Variants in POLL observed in about 807,000 individuals in gnomAD.
The protein encoded by POLL is DNA polymerase beta-2.
Under a neutral mutation model 58.1 loss-of-function variants are expected in POLL, and 44 were observed. The ratio of observed to expected loss-of-function variants is 0.76; its 90% CI spans 0.60 to 0.97. The LOEUF is 0.97. POLL is among the 50% of genes least tolerant of loss of function. POLL has a pLI of 0.00. For missense variants in POLL, 632 were observed against 736.8 expected (o/e 0.86, Z 1.65); for synonymous variants, 290 against 283.2 (o/e 1.02, Z -0.24).
chr10:101,583,381 T>C, intron 6 of POLL, 127 bp downstream of exon 6: 1 of 987,414 alleles, frequency 1.0e-6, no homozygotes, highest in Non-Finnish European at 1.5e-6. Flanking sequence ...AAAAATGGTC[T>C]CCCTATACTG....
chr10:101,585,461 T>C lies in POLL; in HGVS notation c.428A>G (p.Gln143Arg). 1.3e-6 allele frequency: 2 copies of C among 1,565,746 alleles called. No individual in the cohort carries two copies. Among genetic ancestry groups the C allele is most frequent in the Non-Finnish European group, 1.7e-6 (2 of 1,157,298 alleles). ...AGCATCCTGCTCTGCCTTGCTGGGC[T>C]GTGGATGGTCCAAGTACCTGTGGGG... The part of the protein sequence containing the change: ...FIPSRYLDHP[Q>R]PSKAEQDASI... Residue 143 changes from glutamine (Q) to arginine (R), a missense_variant, in exon 4 of 9, where the codon CAG becomes CGG. Physicochemically the swap from Gln to Arg is conservative, Grantham distance 43 (BLOSUM62 1). Coordinates refer to ENST00000370162, the MANE Select transcript of POLL (RefSeq NM_001174084.2).
intron 5 of POLL, among the ~76,000 whole-genome samples, chr10:101,584,021 G>A (rs372700284): frequency 6.6e-6 from 1 of 152,200 alleles, no homozygotes; most frequent in East Asian, 1.9e-4. Flanking sequence ...GTCAGGTCCT[G>A]TGCTACAGGG....
intron 4 of POLL, 34 bp downstream of exon 4, chr10:101,585,282 G>A: frequency 1.3e-6 from 2 of 1,494,376 alleles, no homozygotes; most frequent in East Asian, 2.4e-5. Flanking sequence ...GCTTCCTAGG[G>A]GAAGGGAGTT....
In POLL at chr10:101,580,602, A is replaced by G; in HGVS notation, c.1195-186T>C. ...CTTTCCCTTCGCTAGGACAGGAGAG[A>G]AGAAAAAGCTCACTGTGCAGGAGGC... On this transcript the variant is annotated intron_variant, in intron 7 of 8. Transcript: ENST00000370162. This position sits in a 1 kb window ranked among gnomAD's most constrained non-coding sequence, Gnocchi z 4.1. The G allele has an allele frequency of 1.7e-6, 1 of 583,826 alleles. No individual in the cohort carries two copies. The highest frequency in any genetic ancestry group is 3.0e-6 in the Non-Finnish European group (1 of 330,590). The allele number at this position is 583,826 out of a possible 1,614,324, so 36.2% of individuals were successfully genotyped here.
In POLL at chr10:101,585,895, T is replaced by G; in HGVS notation, c.377A>C (p.Asp126Ala). Residue 126 changes from aspartate (D) to alanine (A), a missense_variant, in exon 3 of 9, where the codon GAT becomes GCT. Physicochemically the swap from Asp to Ala is moderately radical, Grantham distance 126 (BLOSUM62 -2). Coordinates refer to ENST00000370162, the MANE Select transcript of POLL (RefSeq NM_001174084.2). Reference sequence around the variant, plus strand: ...GATGAAGATGCTGAATCCAGCTACATCCACCAGCCTCCTCTCCTGAAGGCA... The same window carrying G: ...GATGAAGATGCTGAATCCAGCTACAGCCACCAGCCTCCTCTCCTGAAGGCA... ...SLCLQERRLVDVAGFSIFIPS... is the reference protein window; with the variant it reads ...SLCLQERRLVAVAGFSIFIPS... 1 of 1,598,538 alleles carries G rather than the reference T, an allele frequency of 6.3e-7. No homozygotes were observed. Among genetic ancestry groups the G allele is most frequent in the Non-Finnish European group, 8.6e-7 (1 of 1,167,334 alleles).
Position 101,587,844 on chromosome 10 carries a change from AAGG to A in POLL, c.-72_-70del, listed in dbSNP as rs2063474700. The A allele has an allele frequency of 3.6e-5, 43 of 1,189,888 alleles. No homozygotes were observed. Among genetic ancestry groups the A allele is most frequent in the Non-Finnish European group, 4.5e-5 (42 of 942,194 alleles). 73.7% of individuals were successfully genotyped at this position (1,189,888 alleles called of 1,614,324 possible). Reference sequence around the variant, plus strand: ...TACCTCCAACACAGACTCGCAGAGGAAGGAGGAGGACTTTCGGGGGTGAGTGGG... The same window carrying A: ...TACCTCCAACACAGACTCGCAGAGGAAGGAGGACTTTCGGGGGTGAGTGGG... On this transcript the variant is annotated 5_prime_UTR_variant, in exon 1 of 9. Coordinates refer to ENST00000370162, the MANE Select transcript of POLL (RefSeq NM_001174084.2).
chr10:101,588,269 C>T (rs2063508509), upstream of POLL: 2 of 1,566,868 alleles, frequency 1.3e-6, no homozygotes, highest in Non-Finnish European at 1.7e-6. Flanking sequence ...GCTTCCGAGT[C>T]AGCCGGAAGT....
Position 101,583,406 on chromosome 10 carries a change from TCAGAGCACAGCATAGGGATCTGGGG to T in POLL, c.1065+77_1065+101del, listed in dbSNP as rs1268993746. ...TCCCTATACTGTGGGTGCATTCCCA[TCAGAGCACAGCATAGGGATCTGGGG>T]CAGAGCACAGCACACATCTGGGGCA... On this transcript the variant is annotated intron_variant, in intron 6 of 8. Transcript: ENST00000370162. 23 of 1,316,032 alleles carry T rather than the reference TCAGAGCACAGCATAGGGATCTGGGG, an allele frequency of 1.7e-5. No individual in the cohort carries two copies. The African/African-American group carries it at 2.9e-4, about 17-fold the overall frequency. 81.5% of individuals were successfully genotyped at this position (1,316,032 alleles called of 1,614,324 possible).
chr10:101,582,504 G>C (rs1199416405), intron 7 of POLL, among the ~76,000 whole-genome samples: 1 of 152,128 alleles, frequency 6.6e-6, no homozygotes, highest in Non-Finnish European at 1.5e-5. Flanking sequence ...GTCTAGAATT[G>C]AATCCAATCC....
At chr10:101,585,571 G>A (rs1305610798) in intron 3 of POLL, 93 bp from the exon 4 acceptor site, 1 of 1,196,294 alleles carries the variant, frequency 8.4e-7, no homozygotes, top group Non-Finnish European at 1.2e-6. Flanking sequence ...TGGTTTCCCA[G>A]TGTGTCCAAT....
chr10:101,579,248 A>G lies in POLL; in HGVS notation c.*205T>C. On this transcript the variant is annotated 3_prime_UTR_variant, in exon 9 of 9. Coordinates refer to ENST00000370162, the MANE Select transcript of POLL (RefSeq NM_001174084.2). This position sits in a 1 kb window ranked among gnomAD's most constrained non-coding sequence, Gnocchi z 4.4. ...GGGTGGCAGCCTGCTCCTGTCTGGGAGAGGGCTGGGCAGACACTGGGAGCC... is the reference window on the plus strand; with the variant it reads ...GGGTGGCAGCCTGCTCCTGTCTGGGGGAGGGCTGGGCAGACACTGGGAGCC... 1.7e-6 allele frequency: 1 copy of G among 605,518 alleles called. No homozygotes were observed. 37.5% of individuals were successfully genotyped at this position (605,518 alleles called of 1,614,324 possible).
intron 1 of POLL, 106 bp from the exon 2 acceptor site, chr10:101,587,512 G>C: frequency 6.8e-7 from 1 of 1,476,364 alleles, no homozygotes; most frequent in South Asian, 1.2e-5. Context: ...GGGGAAGCGG[G>C]TCGGGGGAGG....
chr10:101,581,146 AC>A, intron 7 of POLL: 1 of 152,258 alleles, frequency 6.6e-6, no homozygotes, highest in Non-Finnish European at 1.5e-5. Flanking sequence ...TCCTGCCTCC[AC>A]CCCAGGACAC....
At chr10:101,587,674 G>A (rs2063462463) in intron 1 of POLL, 148 bp downstream of exon 1, 3 of 974,170 alleles carry the variant, frequency 3.1e-6, no homozygotes, top group East Asian at 5.2e-5. Flanking sequence ...TCCTCAGAGG[G>A]GTTGCGCTAA....
intron 2 of POLL, 33 bp downstream of exon 2, chr10:101,587,213 G>C (rs1462852719): frequency 2.5e-6 from 4 of 1,613,814 alleles, no homozygotes; most frequent in South Asian, 1.1e-5. Flanking sequence ...GTGGGTTCAA[G>C]CACACGAGGG....
Position 101,588,137 on chromosome 10 carries a change from G to A in POLL, c.-362C>T. The A allele has an allele frequency of 2.6e-6, 4 of 1,516,734 alleles. No homozygotes were observed. The highest frequency in any genetic ancestry group is 5.0e-5 in the East Asian group (2 of 40,008). The allele number at this position is 1,516,734 out of a possible 1,614,324, so 94.0% of individuals were successfully genotyped here. ...AGAGTCTCTCCAACCCCCAGAGTCGGTCCCCGGGTGGGGTCGACTACTGGC... is the reference window on the plus strand; with the variant it reads ...AGAGTCTCTCCAACCCCCAGAGTCGATCCCCGGGTGGGGTCGACTACTGGC... On this transcript the variant is annotated 5_prime_UTR_variant, in exon 1 of 9. Coordinates refer to ENST00000370162, the MANE Select transcript of POLL (RefSeq NM_001174084.2).
Position 101,580,044 on chromosome 10 carries a change from G to A in POLL, c.1363+204C>T. 2.9e-6 allele frequency: 2 copies of A among 681,560 alleles called. No homozygotes were observed. Among genetic ancestry groups the A allele is most frequent in the Non-Finnish European group, 4.9e-6 (2 of 409,536 alleles). 42.2% of individuals were successfully genotyped at this position (681,560 alleles called of 1,614,324 possible). On this transcript the variant is annotated intron_variant, in intron 8 of 8. Transcript: ENST00000370162. This position sits in a 1 kb window ranked among gnomAD's most constrained non-coding sequence, Gnocchi z 4.1. Reference sequence around the variant, plus strand: ...AGATACTTGGCCTGCAGGGTTCACTGAGCACCTCCACATAGGTGTGGCGGG... The same window carrying A: ...AGATACTTGGCCTGCAGGGTTCACTAAGCACCTCCACATAGGTGTGGCGGG...
Position 101,584,642 on chromosome 10 carries a change from T to A in POLL, c.851A>T (p.Asn284Ile), listed in dbSNP as rs745910994. 3 of 1,606,074 alleles carry A rather than the reference T, an allele frequency of 1.9e-6. No homozygotes were observed. Among genetic ancestry groups the A allele is most frequent in the Non-Finnish European group, 2.5e-6 (3 of 1,176,508 alleles). ...AGGCTTATGGAAGCTCTTGAGGGCA[T>A]TGATGGCCTTGGCATAGCCCAGGGC... The part of the protein sequence containing the change: ...WRALGYAKAI[N>I]ALKSFHKPVT... The change falls in exon 5 of 9, where the codon AAT becomes ATT. Residue 284 changes from asparagine (N) to isoleucine (I), a missense_variant. Coordinates refer to ENST00000370162, the MANE Select transcript of POLL (RefSeq NM_001174084.2).
Position 101,586,062 on chromosome 10 carries a change from G to A in POLL, c.210C>T (p.Gly70=). Reference sequence around the variant, plus strand: ...CTGGGCCCTGGGCAGGGCATAGCTGGCCGCCATGCTGAACAATCTGCTTCT... The same window carrying A: ...CTGGGCCCTGGGCAGGGCATAGCTGACCGCCATGCTGAACAATCTGCTTCT... ...LFEKQIVQHG[G]QLCPAQGPGV... The change falls in exon 3 of 9, where the codon GGC becomes GGT. Residue 70 remains glycine, a synonymous_variant. Transcript: ENST00000370162. 1 of 1,614,044 alleles carries A rather than the reference G, an allele frequency of 6.2e-7. No homozygotes were observed. Among genetic ancestry groups the A allele is most frequent in the Non-Finnish European group, 8.5e-7 (1 of 1,180,018 alleles).
Sources: gnomAD v4.1 joint callset for allele counts (sites outside exome capture counted in the v4.1 genomes callset) on GRCh38, gnomAD v4.1.1 for gene constraint, Gnocchi (gnomAD v3.1) non-coding constraint, MANE v1.5 for transcripts, NCBI Gene and HGNC (gene_info 2026-07-23, HGNC 2026-07-21) for gene names.